The following FBN2 variants were observed in gnomAD, a reference collection of about 807,000 sequenced individuals.
The protein encoded by FBN2 is fibrillin 2, also known as fibrillin-2.
FBN2 carries 105 observed loss-of-function variants against 355.6 expected under a neutral mutation model. The observed-to-expected ratio is 0.30, with a 90% CI of 0.25 to 0.35. The LOEUF (loss-of-function observed/expected upper bound fraction) is 0.35, where lower values mean the gene tolerates loss of function less well. Among genes scored for constraint, FBN2 ranks in the 10% least tolerant of loss-of-function variants. The probability of loss-of-function intolerance (pLI) is 1.00; values close to 1 mark genes in which losing one functional copy is unlikely to be tolerated. For missense variants in FBN2, 3,280 were observed against 3,758.7 expected, an observed-to-expected ratio of 0.87 and a Z score of 3.33; for synonymous variants, 1,350 against 1,301.2, an observed-to-expected ratio of 1.04 and a Z score of -0.81.
At chr5:128,353,945 A>G (rs1423469131) in intron 20 of FBN2, among the ~76,000 whole-genome samples, 1 of 151,952 alleles carries the variant, frequency 6.6e-6, no homozygotes, top group African/African-American at 2.4e-5. Context: ...GCACCCCCCT[A>G]CAGGCTCATC....
intron 61 of FBN2, among the ~76,000 whole-genome samples, chr5:128,273,231 G>GTGAAGAA (rs1765308853): frequency 6.6e-6 from 1 of 152,118 alleles, no homozygotes; most frequent in South Asian, 2.1e-4. Flanking sequence ...AATATAAATA[G>GTGAAGAA]TGAAGAACTA....
Position 128,393,269 on chromosome 5 carries a change from G to A in FBN2, c.1331C>T (p.Pro444Leu). Residue 444 changes from proline (P) to leucine (L), a missense_variant, in exon 10 of 65, where the codon CCA becomes CTA. Pro to Leu is a moderately conservative substitution (Grantham distance 98). Transcript: ENST00000262464. ...GCCATAGCCATTGCCATTGCCACTT[G>A]GGGCAAAGCCATTTCCCCCAGTGCC... ...PGGTGGNGFA[P>L]SGNGNGYGPG... is the part of the protein sequence containing the mutation. 6.2e-7 allele frequency: 1 copy of A among 1,614,090 alleles called. No individual in the cohort carries two copies. The highest frequency in any genetic ancestry group is 8.5e-7 in the Non-Finnish European group (1 of 1,179,992).
At chr5:128,535,956 A>G (rs1756834713) in intron 2 of FBN2, among the ~76,000 whole-genome samples, 1 of 152,162 alleles carries the variant, frequency 6.6e-6, no homozygotes, top group South Asian at 2.1e-4. Flanking sequence ...CAGAAATAAG[A>G]AAGTGGTTTT....
At chr5:128,434,480 T>C (rs1753725669) in intron 7 of FBN2, among the ~76,000 whole-genome samples, 2 of 144,894 alleles carry the variant, frequency 1.4e-5, no homozygotes, top group Non-Finnish European at 3.0e-5. Flanking sequence ...AGGTATTACA[T>C]TTCAAGTTTT....
In FBN2 at chr5:128,374,752, T is replaced by A; in HGVS notation, c.1973-2A>T. On this transcript the variant is annotated splice_acceptor_variant, in intron 14 of 64. Transcript: ENST00000262464. LOFTEE classifies it high-confidence loss of function. ...CTGGGGTCTGGCATTCATCAACATC[T>A]GTGCAGTGGGTGACAGAAGCCAAGC... The A allele has an allele frequency of 6.2e-7, 1 of 1,613,862 alleles. No homozygotes were observed. The highest frequency in any genetic ancestry group is 8.5e-7 in the Non-Finnish European group (1 of 1,179,846).
chr5:128,462,116 T>C (rs1280784119), intron 6 of FBN2, among the ~76,000 whole-genome samples: 1 of 152,184 alleles, frequency 6.6e-6, no homozygotes, highest in East Asian at 1.9e-4. Context: ...ACTAATTTCA[T>C]CAGCTACAGG....
chr5:128,288,607 G>A lies in FBN2; in HGVS notation c.6638-50C>T, dbSNP rs184209383. ...CCACAAAGATGTTTTAGTTTAACAG[G>A]AGAATGCCCAGGAAGACCCATGCTT... On this transcript the variant is annotated intron_variant, in intron 52 of 64. Coordinates refer to ENST00000262464, the MANE Select transcript of FBN2 (RefSeq NM_001999.4). 8.7e-6 allele frequency: 14 copies of A among 1,603,208 alleles called. No homozygotes were observed. The Admixed American group carries it at 1.5e-4, about 17-fold the overall frequency.
chr5:128,513,321 C>T (rs1254906477), intron 5 of FBN2, among the ~76,000 whole-genome samples: 2 of 152,214 alleles, frequency 1.3e-5, no homozygotes, highest in Non-Finnish European at 2.9e-5. Context: ...TATATAATAA[C>T]AACTGATTAC....
intron 62 of FBN2, among the ~76,000 whole-genome samples, chr5:128,268,748 C>A (rs1224698301): frequency 1.3e-5 from 2 of 152,158 alleles, no homozygotes; most frequent in Admixed American, 6.5e-5. Flanking sequence ...CACAATCCAT[C>A]AAATAAGCAG....
intron 34 of FBN2, among the ~76,000 whole-genome samples, chr5:128,322,334 G>A (rs767914229): frequency 6.6e-6 from 1 of 152,092 alleles, no homozygotes; most frequent in Non-Finnish European, 1.5e-5. Context: ...ATTGCTTTTG[G>A]TGTTTCAGTC....
rs748694010 is a variant in FBN2, at chr5:128,349,508, G to GT, written c.2864-37dup. 10 of 1,609,932 alleles carry GT rather than the reference G, an allele frequency of 6.2e-6. No individual in the cohort carries two copies. In the African/African-American group the frequency reaches 1.2e-4, roughly 19 times the overall value. ...ATGCAGCAAGCAGAGGAGCAAAGAT[G>GT]TTACAAATAGAAAAAGCAGGTGTGG... On this transcript the variant is annotated intron_variant, in intron 22 of 64. Coordinates refer to ENST00000262464, the MANE Select transcript of FBN2 (RefSeq NM_001999.4).
At chr5:128,274,457 T>C in intron 60 of FBN2, 110 bp downstream of exon 60, 1 of 740,034 alleles carries the variant, frequency 1.4e-6, no homozygotes, top group Admixed American at 1.9e-5. Context: ...TTATGGGGTA[T>C]TGGTTACTGA....
chr5:128,444,692 G>A (rs1754021166), intron 7 of FBN2, among the ~76,000 whole-genome samples: 1 of 152,222 alleles, frequency 6.6e-6, no homozygotes, highest in Admixed American at 6.5e-5. Context: ...ACATAGGCAA[G>A]TGGTGAATAA....
intron 5 of FBN2, among the ~76,000 whole-genome samples, chr5:128,486,318 GA>G (rs1200420332): frequency 2.6e-5 from 4 of 152,016 alleles, no homozygotes; most frequent in African/African-American, 4.8e-5. Flanking sequence ...ATCATAAATG[GA>G]ACACAATATG....
chr5:128,533,899 T>A (rs1474173074), intron 2 of FBN2, among the ~76,000 whole-genome samples: 3 of 151,926 alleles, frequency 2.0e-5, no homozygotes, highest in Non-Finnish European at 4.4e-5. Context: ...TCCGTACTTT[T>A]GGAAATGAAT....
At chr5:128,307,537 C>T (rs1015663840) in intron 41 of FBN2, among the ~76,000 whole-genome samples, 2 of 150,708 alleles carry the variant, frequency 1.3e-5, no homozygotes, top group African/African-American at 2.4e-5. Flanking sequence ...ACATCCAATA[C>T]ATAAAGATTA....
intron 5 of FBN2, among the ~76,000 whole-genome samples, chr5:128,508,937 T>C (rs1256837129): frequency 6.6e-6 from 1 of 152,082 alleles, no homozygotes; most frequent in Non-Finnish European, 1.5e-5. Context: ...TTTTTACTTG[T>C]ACTGTTTTGG....
At chr5:128,421,696 G>C (rs1024175565) in intron 7 of FBN2, among the ~76,000 whole-genome samples, 1 of 152,112 alleles carries the variant, frequency 6.6e-6, no homozygotes, top group African/African-American at 2.4e-5. Flanking sequence ...GTCCTAAGGG[G>C]ATATATTCAT....
intron 5 of FBN2, among the ~76,000 whole-genome samples, chr5:128,493,278 G>A (rs1314130110): frequency 6.6e-6 from 1 of 152,176 alleles, no homozygotes; most frequent in Admixed American, 6.5e-5. Context: ...AAGCTATGGG[G>A]TGAAAAGCGA....
Sources: gnomAD v4.1 joint callset for allele counts (sites outside exome capture counted in the v4.1 genomes callset) on GRCh38, gnomAD v4.1.1 for gene constraint, MANE v1.5 for transcripts, NCBI Gene and HGNC (gene_info 2026-07-23, HGNC 2026-07-21) for gene names.